The following TRPA1 variants were observed in gnomAD, a reference collection of about 807,000 sequenced individuals.
The protein encoded by TRPA1 is transient receptor potential cation channel subfamily A member 1.
Under a neutral mutation model 131.3 loss-of-function variants are expected in TRPA1, and 129 were observed. The observed-to-expected ratio is 0.98, with a 90% CI of 0.85 to 1.14. The LOEUF (loss-of-function observed/expected upper bound fraction) is 1.14, where lower values mean the gene tolerates loss of function less well. TRPA1 is among the 50% of genes most tolerant of loss of function. The pLI, the probability that TRPA1 is intolerant of heterozygous loss-of-function variation, is 0.00. For missense variants in TRPA1, 1,304 were observed against 1,354.2 expected (o/e 0.96, Z 0.58); for synonymous variants, 441 against 451.7 (o/e 0.98, Z 0.30).
chr8:72,069,587 C>T (rs957731849), intron 2 of TRPA1, among the ~76,000 whole-genome samples: 9 of 152,084 alleles, frequency 5.9e-5, no homozygotes, highest in African/African-American at 1.9e-4. Context: ...CTCCAATAGC[C>T]TGCAAAGTAA....
At chr8:72,024,011 T>C in intron 25 of TRPA1, 100 bp from the exon 26 acceptor site, 3 of 775,582 alleles carry the variant, frequency 3.9e-6, no homozygotes, top group Non-Finnish European at 7.0e-6. Context: ...CCAATATGCA[T>C]AAGGCATAGC....
chr8:72,024,745 C>T (rs755179226), intron 25 of TRPA1, among the ~76,000 whole-genome samples: 5 of 152,054 alleles, frequency 3.3e-5, no homozygotes, highest in Admixed American at 1.3e-4. Context: ...ATACAGGGTC[C>T]GGGAACTGAA....
At chr8:72,039,379 C>T (rs555754623) in intron 18 of TRPA1, among the ~76,000 whole-genome samples, 2 of 152,074 alleles carry the variant, frequency 1.3e-5, no homozygotes, top group African/African-American at 4.8e-5. Context: ...TCCATGCCCC[C>T]AAATATTTCA....
At chr8:72,071,916 A>G in intron 1 of TRPA1, 49 bp from the exon 2 acceptor site, 1 of 1,543,838 alleles carries the variant, frequency 6.5e-7, no homozygotes. Context: ...TGCAAAACTT[A>G]TGGCTATAAT....
the TRPA1 span, among the ~76,000 whole-genome samples, chr8:72,083,815 T>G: frequency 1.3e-5 from 2 of 152,196 alleles, no homozygotes; most frequent in African/African-American, 4.8e-5. Context: ...CTGTAGAATC[T>G]GTTTCCCATG....
At chr8:72,055,991 A>G (rs1805658956) in intron 10 of TRPA1, 136 bp from the exon 11 acceptor site, 2 of 720,832 alleles carry the variant, frequency 2.8e-6, no homozygotes, top group Admixed American at 2.3e-5. Flanking sequence ...TAAATAACCT[A>G]AAGGATTTGA....
intron 23 of TRPA1, among the ~76,000 whole-genome samples, chr8:72,031,178 A>G (rs887639761): frequency 1.3e-5 from 2 of 152,212 alleles, no homozygotes; most frequent in Admixed American, 1.3e-4. Context: ...TGAGAACTGG[A>G]TATAGTCAGG....
Position 72,061,688 on chromosome 8 carries a change from G to T in TRPA1, c.881C>A (p.Ser294Tyr), listed in dbSNP as rs753660705. 1.2e-6 allele frequency: 2 copies of T among 1,614,058 alleles called. No homozygotes were observed. The highest frequency in any genetic ancestry group is 8.5e-7 in the Non-Finnish European group (1 of 1,179,962). ...AACAATATCCACGCTACCAGAATAG[G>T]ACGATATCATCAGTTTAACAATCTC... ...ATEIVKLMIS[S>Y]YSGSVDIVNT... is the part of the protein sequence containing the mutation. The change falls in exon 7 of 27, where the codon TCC (serine) becomes TAC (tyrosine). Residue 294 changes from serine (S) to tyrosine (Y), a missense_variant. Transcript: ENST00000262209.
At chr8:72,054,066 G>T (rs1805598279) in intron 12 of TRPA1, 199 bp from the exon 13 acceptor site, 1 of 584,604 alleles carries the variant, frequency 1.7e-6, no homozygotes, top group African/African-American at 1.9e-5. Context: ...TTTCTAATGT[G>T]ATTCATACAC....
rs1371820148 is a variant in TRPA1 at position 72,068,703 on chromosome 8, G to A, written c.444+320C>T. ...TAGCCAAGTTATTCAAATTCTTTTG[G>A]CACCTCAGTGTACTCAGCTATGAAA... On this transcript the variant is annotated intron_variant, in intron 3 of 26. Transcript: ENST00000262209. 5.3e-5 allele frequency among the ~76,000 whole-genome samples: 8 copies of A among 152,036 alleles called. No homozygotes were observed. In the East Asian group the frequency reaches 1.5e-3, roughly 29 times the overall value.
chr8:72,061,771 G>A lies in TRPA1; in HGVS notation c.808-10C>T. 1 of 1,613,708 alleles carries A rather than the reference G, an allele frequency of 6.2e-7. No individual in the cohort carries two copies. The highest frequency in any genetic ancestry group is 8.5e-7 in the Non-Finnish European group (1 of 1,179,710). ...CTGTGCACCTTCCCTTCTGTAAAGG[G>A]TTTTAATGCTAGAATCAATGTTTAA... On this transcript the variant is annotated splice_polypyrimidine_tract_variant and intron_variant, in intron 6 of 26. Transcript: ENST00000262209.
chr8:72,059,518 C>T (rs1252301325), intron 7 of TRPA1, 80 bp from the exon 8 acceptor site: 25 of 864,970 alleles, frequency 2.9e-5, no homozygotes, highest in South Asian at 2.1e-4. Context: ...CTACTATATT[C>T]GGAAAGTGAA....
intron 4 of TRPA1, 89 bp from the exon 5 acceptor site, chr8:72,063,660 T>A: frequency 1.2e-6 from 1 of 809,508 alleles, no homozygotes; most frequent in Non-Finnish European, 2.1e-6. Flanking sequence ...CCCATATCAT[T>A]TTACTATTAT....
chr8:72,085,845 T>A, the TRPA1 span, among the ~76,000 whole-genome samples: 1 of 152,186 alleles, frequency 6.6e-6, no homozygotes, highest in South Asian at 2.1e-4. Flanking sequence ...CCTGGTTAGG[T>A]TCACCTTGTG....
chr8:72,081,542 C>G, the TRPA1 span, among the ~76,000 whole-genome samples: 3 of 151,738 alleles, frequency 2.0e-5, no homozygotes. Context: ...CTCAAGTTTT[C>G]TATATTCTTA....
intron 4 of TRPA1, 58 bp from the exon 5 acceptor site, chr8:72,063,629 G>A: frequency 8.6e-7 from 1 of 1,167,948 alleles, no homozygotes; most frequent in East Asian, 2.4e-5. Flanking sequence ...CGCAAGGGTG[G>A]ATGAGAATTT....
intron 4 of TRPA1, among the ~76,000 whole-genome samples, chr8:72,064,538 T>C (rs1167394873): frequency 6.6e-6 from 1 of 152,120 alleles, no homozygotes. Flanking sequence ...TTATTCTCTT[T>C]ATCATTTATT....
rs191882323 is a variant in TRPA1 at position 72,034,080 on chromosome 8, C to T, written c.2685+168G>A. Among the ~76,000 whole-genome samples the T allele has an allele frequency of 1.4e-4, 21 of 152,166 alleles. No individual in the cohort carries two copies. The East Asian group carries it at 4.0e-3, about 29-fold the overall frequency. On this transcript the variant is annotated intron_variant, in intron 22 of 26. Coordinates refer to ENST00000262209, the MANE Select transcript of TRPA1 (RefSeq NM_007332.3). ...GACAAAGTTGCTTAACACGACTATA[C>T]TTTTTTCTGCAATAAACGTCATTTG...
intron 13 of TRPA1, chr8:72,052,994 T>TGTGA (rs1491537785): frequency 4.5e-5 from 15 of 331,322 alleles, no homozygotes; most frequent in South Asian, 1.3e-4. Flanking sequence ...TGTGTGTGTG[T>TGTGA]GAGAGATAGA....
Sources: gnomAD v4.1 joint callset for allele counts (sites outside exome capture counted in the v4.1 genomes callset) on GRCh38, gnomAD v4.1.1 for gene constraint, MANE v1.5 for transcripts, NCBI Gene and HGNC (gene_info 2026-07-23, HGNC 2026-07-21) for gene names.